The following GRID2 variants were observed in gnomAD, a reference collection of about 807,000 sequenced individuals.
The protein encoded by GRID2 is glutamate receptor ionotropic, delta-2.
A neutral mutation model predicts 114.8 loss-of-function variants in GRID2; 33 were observed. The observed-to-expected ratio is 0.29, with a 90% CI of 0.22 to 0.38. The LOEUF (loss-of-function observed/expected upper bound fraction) is 0.38, where lower values mean the gene tolerates loss of function less well. GRID2 is among the 10% of genes least tolerant of loss of function. The pLI, the probability that GRID2 is intolerant of heterozygous loss-of-function variation, is 1.00. For synonymous variants in GRID2, 505 were observed against 449.9 expected (o/e 1.12, Z -1.55); for missense variants, 1,184 against 1,257.7 (o/e 0.94, Z 0.89).
intron 9 of GRID2, among the ~76,000 whole-genome samples, chr4:93,397,352 T>C (rs1765430954): frequency 6.6e-6 from 1 of 151,938 alleles, no homozygotes; most frequent in Non-Finnish European, 1.5e-5. Flanking sequence ...GATGCACTAA[T>C]ATTAAAAAAG....
intron 4 of GRID2, among the ~76,000 whole-genome samples, chr4:93,145,951 G>A (rs1736187785): frequency 6.6e-6 from 1 of 151,412 alleles, no homozygotes; most frequent in East Asian, 1.9e-4. Flanking sequence ...TCTAGTTTTT[G>A]CCCCTCCTCT....
intron 14 of GRID2, among the ~76,000 whole-genome samples, chr4:93,653,039 A>G (rs1722725227): frequency 6.6e-6 from 1 of 152,136 alleles, no homozygotes; most frequent in Admixed American, 6.5e-5. Flanking sequence ...CTTACATTTT[A>G]TAAAAGTCAC....
At chr4:92,482,378 A>G (rs977605491) in intron 1 of GRID2, among the ~76,000 whole-genome samples, 1 of 152,084 alleles carries the variant, frequency 6.6e-6, no homozygotes, top group East Asian at 1.9e-4. Flanking sequence ...ATTGGGTACT[A>G]TGCTCACTAC....
intron 1 of GRID2, among the ~76,000 whole-genome samples, chr4:92,580,246 A>G (rs969793477): frequency 1.3e-5 from 2 of 151,508 alleles, no homozygotes; most frequent in African/African-American, 2.4e-5. Flanking sequence ...ATATCTGTAT[A>G]TTTTATAGGA....
At chr4:93,576,405 G>C (rs1175225066) in intron 13 of GRID2, among the ~76,000 whole-genome samples, 1 of 152,148 alleles carries the variant, frequency 6.6e-6, no homozygotes, top group Non-Finnish European at 1.5e-5. Context: ...TTTGGGAAGA[G>C]ATTGAAGGGA....
At chr4:92,440,487 A>AATTT (rs1560630782) in intron 1 of GRID2, among the ~76,000 whole-genome samples, 1 of 152,078 alleles carries the variant, frequency 6.6e-6, no homozygotes, top group Non-Finnish European at 1.5e-5. Flanking sequence ...CTAATTTGCC[A>AATTT]GTCCTGGGTG....
At chr4:93,779,171 A>C (rs1364934010), downstream of GRID2, among the ~76,000 whole-genome samples, 1 of 150,462 alleles carries the variant, frequency 6.6e-6, no homozygotes, top group Non-Finnish European at 1.5e-5. Context: ...GAAGTTTTAG[A>C]TTCCTACTTC....
intron 1 of GRID2, among the ~76,000 whole-genome samples, chr4:92,576,216 G>C (rs1411202540): frequency 6.6e-5 from 10 of 152,194 alleles, no homozygotes; most frequent in African/African-American, 2.4e-4. Flanking sequence ...CCAGGGTCCT[G>C]CTTATGGAAG....
At chr4:92,673,857 G>A (rs1733196195) in intron 2 of GRID2, among the ~76,000 whole-genome samples, 1 of 152,028 alleles carries the variant, frequency 6.6e-6, no homozygotes, top group South Asian at 2.1e-4. Context: ...GATAGCATTA[G>A]GAGATATACC....
chr4:92,928,656 A>C (rs978859857), intron 2 of GRID2, among the ~76,000 whole-genome samples: 1 of 151,618 alleles, frequency 6.6e-6, no homozygotes, highest in Admixed American at 6.6e-5. Flanking sequence ...CAAAAATTGG[A>C]AAGTGATATT....
chr4:92,906,939 G>A (rs1004781564), intron 2 of GRID2, among the ~76,000 whole-genome samples: 3 of 152,140 alleles, frequency 2.0e-5, no homozygotes, highest in Non-Finnish European at 4.4e-5. Flanking sequence ...CAGAATATGA[G>A]GCCCCACACC....
At chr4:92,312,350 C>T (rs911281514) in intron 1 of GRID2, among the ~76,000 whole-genome samples, 1 of 152,002 alleles carries the variant, frequency 6.6e-6, no homozygotes, top group African/African-American at 2.4e-5. Context: ...TGCTTAAGTG[C>T]ACTGGATAGA....
intron 2 of GRID2, among the ~76,000 whole-genome samples, chr4:92,942,180 C>T (rs1751200761): frequency 6.6e-6 from 1 of 152,094 alleles, no homozygotes; most frequent in South Asian, 2.1e-4. Context: ...GTTAAAGTCT[C>T]CCATTATTAT....
intron 4 of GRID2, among the ~76,000 whole-genome samples, chr4:93,185,950 A>G (rs548119829): frequency 6.6e-6 from 1 of 152,034 alleles, no homozygotes; most frequent in East Asian, 1.9e-4. Flanking sequence ...CCTGTGTCCA[A>G]GTGTTCTCAT....
intron 8 of GRID2, among the ~76,000 whole-genome samples, chr4:93,320,741 A>G (rs897470548): frequency 6.6e-6 from 1 of 152,124 alleles, no homozygotes; most frequent in Non-Finnish European, 1.5e-5. Context: ...GAAGAATATT[A>G]TAAAAGTCAA....
Position 93,161,460 on chromosome 4 carries a change from G to A in GRID2, c.736-45944G>A, listed in dbSNP as rs529359613. Among the ~76,000 whole-genome samples, 9 of 151,956 alleles carry A rather than the reference G, an allele frequency of 5.9e-5. No homozygotes were observed. The East Asian group carries it at 1.7e-3, about 30-fold the overall frequency. ...TTAATTAATATTTGAAGGAATTTGA[G>A]CTTCTAATTCCCACATCCTTTTTAA... On this transcript the variant is annotated intron_variant, in intron 4 of 15. Coordinates refer to ENST00000282020, the MANE Select transcript of GRID2 (RefSeq NM_001510.4).
intron 9 of GRID2, among the ~76,000 whole-genome samples, chr4:93,417,850 C>T (rs115540858): frequency 0.012 from 1,872 of 151,218 alleles, 44 homozygotes; most frequent in African/African-American, 0.043. Context: ...TTATCTTTTC[C>T]ATGTTGATGG....
rs1049704348 is a variant in GRID2, at chr4:92,439,913, T to C, written c.88+135169T>C. The stretch of plus-strand genomic sequence containing the variant: ...CGGCAGTGTAAACAAGAGCAGGGCA[T>C]GTATGAGTAGTTGAGAACGGTGAAT... On this transcript the variant is annotated intron_variant, in intron 1 of 15. Coordinates refer to ENST00000282020, the MANE Select transcript of GRID2 (RefSeq NM_001510.4). Among the ~76,000 whole-genome samples the C allele has an allele frequency of 3.4e-5, 5 of 145,580 alleles. 1 individual carries two copies. Among genetic ancestry groups the C allele is most frequent in the African/African-American group, 1.2e-4 (5 of 40,868 alleles).
At chr4:92,737,028 T>G (rs1736631927) in intron 2 of GRID2, among the ~76,000 whole-genome samples, 1 of 152,072 alleles carries the variant, frequency 6.6e-6, no homozygotes, top group South Asian at 2.1e-4. Context: ...ACTCATATTT[T>G]TAATTAAAAA....
Sources: gnomAD v4.1 joint callset for allele counts (sites outside exome capture counted in the v4.1 genomes callset) on GRCh38, gnomAD v4.1.1 for gene constraint, MANE v1.5 for transcripts, NCBI Gene and HGNC (gene_info 2026-07-23, HGNC 2026-07-21) for gene names.